LRRC4B: variants seen among roughly 807,000 people sequenced by gnomAD.
LRRC4B encodes leucine-rich repeat-containing protein 4B.
In LRRC4B, 1 loss-of-function variant was observed where a neutral mutation model predicts 7.3. That is an observed-to-expected ratio of 0.14 (90% CI 0.05 to 0.65). The LOEUF (loss-of-function observed/expected upper bound fraction) is 0.65. LRRC4B is among the 30% of genes least tolerant of loss of function. The probability of loss-of-function intolerance (pLI) is 0.84; values close to 1 mark genes in which losing one functional copy is unlikely to be tolerated. For missense variants in LRRC4B, 730 were observed against 1,041.6 expected, an observed-to-expected ratio of 0.70 and a Z score of 4.12; for synonymous variants, 500 against 499.2, an observed-to-expected ratio of 1.00 and a Z score of -0.02.
At position 50,517,537 on chromosome 19, in the gene LRRC4B, G is replaced by A. The variant is rs779378881; in HGVS notation, c.*34C>T. The A allele has an allele frequency of 2.9e-6, 4 of 1,397,758 alleles. No individual in the cohort carries two copies. Among genetic ancestry groups the A allele is most frequent in the South Asian group, 3.4e-5 (2 of 58,394 alleles). The allele number at this position is 1,397,758 out of a possible 1,614,324, so 86.6% of individuals were successfully genotyped here. A position where few individuals can be genotyped will look rare whatever the true frequency, so the allele number is the denominator to read the frequency against. On this transcript the variant is annotated 3_prime_UTR_variant, in exon 3 of 3. Coordinates refer to ENST00000652263, the MANE Select transcript of LRRC4B (RefSeq NM_001080457.2). The surrounding 1 kb of genome is among the most constrained non-coding windows in gnomAD (Gnocchi z 6.6). ...GCCCGGGCTGGGACCTGGGTGGGGG[G>A]CTCCACGCCCCTCGCCCGCCCGGCC...
rs1980375975 is a variant in LRRC4B, at chr19:50,518,102, A to G, written c.1611T>C (p.Ser537=). ...PGDAAGPASS[S]TTAPAPRSSR... ...AGGAGCGCGGGGCGGGTGCCGTGGTAGAAGACGAGGCAGGGCCGGCCGCGT... is the reference window on the plus strand; with the variant it reads ...AGGAGCGCGGGGCGGGTGCCGTGGTGGAAGACGAGGCAGGGCCGGCCGCGT... The change falls in exon 3 of 3, where the codon TCT becomes TCC. Residue 537 remains serine (S), a synonymous_variant. Coordinates refer to ENST00000652263, the MANE Select transcript of LRRC4B (RefSeq NM_001080457.2). 1.3e-6 allele frequency: 2 copies of G among 1,596,694 alleles called. No homozygotes were observed. The highest frequency in any genetic ancestry group is 2.7e-5 in the African/African-American group (2 of 73,820).
At position 50,554,087 on chromosome 19, in the gene LRRC4B, G is replaced by A. The variant is rs948334746; in HGVS notation, c.-35-5214C>T. Among the ~76,000 whole-genome samples, 3 of 147,422 alleles carry A rather than the reference G, an allele frequency of 2.0e-5. No homozygotes were observed. The South Asian group carries it at 6.4e-4, about 31-fold the overall frequency. ...CAGCTCATGGCAACCTCTACCTCCT[G>A]GGTTCAAGCAATTCTCCTGCCCCAG... On this transcript the variant is annotated intron_variant, in intron 1 of 2. Transcript: ENST00000652263.
At position 50,519,073 on chromosome 19, in the gene LRRC4B, G is replaced by A. The variant is rs1288604837; in HGVS notation, c.640C>T (p.Leu214=). The A allele has an allele frequency of 6.2e-7, 1 of 1,609,232 alleles. No homozygotes were observed. The highest frequency in any genetic ancestry group is 8.5e-7 in the Non-Finnish European group (1 of 1,179,914). The part of the protein sequence containing the change: ...EGLVNLRYLN[L]GMCNLKDIPN... Reference sequence around the variant, plus strand: ...ATGTCCTTGAGGTTGCACATGCCCAGGTTGAGGTAGCGCAGGTTGACCAGC... The same window carrying A: ...ATGTCCTTGAGGTTGCACATGCCCAAGTTGAGGTAGCGCAGGTTGACCAGC... The change falls in exon 3 of 3, where the codon CTG becomes TTG. Residue 214 remains leucine (L), a synonymous_variant. Transcript: ENST00000652263. This position sits in a 1 kb window ranked among gnomAD's most constrained non-coding sequence, Gnocchi z 8.1.
At chr19:50,520,759 A>G (rs1191392045) in intron 2 of LRRC4B, among the ~76,000 whole-genome samples, 2 of 152,170 alleles carry the variant, frequency 1.3e-5, no homozygotes, top group African/African-American at 4.8e-5. Flanking sequence ...CAACATTGGG[A>G]GACCCTGTCT....
intron 1 of LRRC4B, among the ~76,000 whole-genome samples, chr19:50,549,780 G>A (rs981600065): frequency 2.0e-5 from 3 of 152,178 alleles, no homozygotes; most frequent in Non-Finnish European, 2.9e-5. Flanking sequence ...CCTTTGCCCC[G>A]AGACTGTGGG....
At chr19:50,560,418 G>A (rs896876645) in intron 1 of LRRC4B, among the ~76,000 whole-genome samples, 2 of 152,186 alleles carry the variant, frequency 1.3e-5, no homozygotes, top group African/African-American at 4.8e-5. Context: ...GGCTTGCAAA[G>A]GGAGCTTCAC....
At chr19:50,543,335 G>GGTGTGTGTGTGTGT (rs143123202) in intron 2 of LRRC4B, among the ~76,000 whole-genome samples, 3,112 of 145,234 alleles carry the variant, frequency 0.021, 46 homozygotes, top group East Asian at 0.048. Context: ...GCCAGGCCCT[G>GGTGTGTGTGTGTGT]GTGTGTGTGT....
At chr19:50,541,995 G>A (rs558203991) in intron 2 of LRRC4B, among the ~76,000 whole-genome samples, 1 of 152,262 alleles carries the variant, frequency 6.6e-6, no homozygotes, top group African/African-American at 2.4e-5. Context: ...AACACAGGCC[G>A]AGCGAACACA....
At chr19:50,540,289 C>T (rs1308127282) in intron 2 of LRRC4B, among the ~76,000 whole-genome samples, 2 of 152,118 alleles carry the variant, frequency 1.3e-5, no homozygotes, top group Admixed American at 6.6e-5. Context: ...GAGCAGCAGG[C>T]GAGCGAGCAT....
At position 50,555,569 on chromosome 19, in the gene LRRC4B, G is replaced by T. The variant is rs1339036008; in HGVS notation, c.-35-6696C>A. 6.5e-6 allele frequency: 1 copy of T among 152,736 alleles called. No individual in the cohort carries two copies. Among genetic ancestry groups the T allele is most frequent in the Non-Finnish European group, 1.5e-5 (1 of 68,438 alleles). The allele number at this position is 152,736 out of a possible 1,614,324, so 9.5% of individuals were successfully genotyped here. ...AGCTGAGATCCAGGCGAAGGCAGAGGCTGGGAGGGCCCGGGCACTCGAGGC... is the reference window on the plus strand; with the variant it reads ...AGCTGAGATCCAGGCGAAGGCAGAGTCTGGGAGGGCCCGGGCACTCGAGGC... On this transcript the variant is annotated intron_variant, in intron 1 of 2. Transcript: ENST00000652263. The surrounding 1 kb of genome is among the most constrained non-coding windows in gnomAD (Gnocchi z 5.2).
At chr19:50,540,909 C>T (rs370036886) in intron 2 of LRRC4B, among the ~76,000 whole-genome samples, 5 of 151,654 alleles carry the variant, frequency 3.3e-5, no homozygotes, top group Non-Finnish European at 7.4e-5. Flanking sequence ...ACCGGCCGGG[C>T]GTGGTGGCTC....
chr19:50,551,410 T>C (rs1170669795), intron 1 of LRRC4B, among the ~76,000 whole-genome samples: 1 of 150,168 alleles, frequency 6.7e-6, no homozygotes, highest in African/African-American at 2.5e-5. Context: ...ACTGCAGCAG[T>C]TCTCTGCTCC....
intron 2 of LRRC4B, among the ~76,000 whole-genome samples, chr19:50,544,405 G>C (rs1449978307): frequency 6.6e-6 from 1 of 151,886 alleles, no homozygotes; most frequent in Non-Finnish European, 1.5e-5. Flanking sequence ...TACTTGGGAG[G>C]CTGAGGCAGG....
At chr19:50,552,559 TCCATCCGTCCAC>T (rs1332468753) in intron 1 of LRRC4B, among the ~76,000 whole-genome samples, 1 of 151,566 alleles carries the variant, frequency 6.6e-6, no homozygotes, top group African/African-American at 2.4e-5. Context: ...CATCCGTCCA[TCCATCCGTCCAC>T]CCATCCGTCC....
At position 50,518,101 on chromosome 19, in the gene LRRC4B, T is replaced by C; in HGVS notation, c.1612A>G (p.Thr538Ala). 3 of 1,597,058 alleles carry C rather than the reference T, an allele frequency of 1.9e-6. No homozygotes were observed. Among genetic ancestry groups the C allele is most frequent in the Non-Finnish European group, 2.6e-6 (3 of 1,174,744 alleles). Residue 538 changes from threonine (T) to alanine (A), a missense_variant, in exon 3 of 3, where the codon ACC (threonine) becomes GCC (alanine). Thr to Ala is a moderately conservative substitution (Grantham distance 58). Coordinates refer to ENST00000652263, the MANE Select transcript of LRRC4B (RefSeq NM_001080457.2). Reference protein sequence around the residue: ...GDAAGPASSSTTAPAPRSSRP... With the variant: ...GDAAGPASSSATAPAPRSSRP... ...GAGGAGCGCGGGGCGGGTGCCGTGG[T>C]AGAAGACGAGGCAGGGCCGGCCGCG... is the stretch of plus-strand genomic sequence containing the variant.
Position 50,517,882 on chromosome 19 carries a change from G to C in LRRC4B, c.1831C>G (p.Pro611Ala). ...TTGATGATCTCCACGGTGCGCGTGG[G>C]CCCGTGGTGCTTGTGGAGCTGGTGC... ...KQHQLHKHHG[P>A]TRTVEIINVE... The change falls in exon 3 of 3, where the codon CCC becomes GCC. Residue 611 changes from proline to alanine, a missense_variant. Pro to Ala is a conservative substitution (Grantham distance 27, BLOSUM62 -1). This residue lies in a region of LRRC4B where 160 missense variants were observed against 163.9 expected (regional missense o/e 0.98). Coordinates refer to ENST00000652263, the MANE Select transcript of LRRC4B (RefSeq NM_001080457.2). The surrounding 1 kb of genome is among the most constrained non-coding windows in gnomAD (Gnocchi z 6.6). 6.3e-7 allele frequency: 1 copy of C among 1,595,418 alleles called. No individual in the cohort carries two copies. The highest frequency in any genetic ancestry group is 8.5e-7 in the Non-Finnish European group (1 of 1,173,950).
chr19:50,523,952 C>T (rs1475399185), intron 2 of LRRC4B, among the ~76,000 whole-genome samples: 1 of 148,736 alleles, frequency 6.7e-6, no homozygotes, highest in African/African-American at 2.5e-5. Flanking sequence ...GAGTGAGACT[C>T]TGTCTAAAAA....
At chr19:50,536,529 T>C (rs560467188) in intron 2 of LRRC4B, among the ~76,000 whole-genome samples, 17 of 152,168 alleles carry the variant, frequency 1.1e-4, no homozygotes, top group Non-Finnish European at 1.2e-4. Context: ...GGGTGGTGCC[T>C]GGCACACACT....
Position 50,563,758 on chromosome 19 carries a change from G to A in LRRC4B, c.-36+4186C>T, listed in dbSNP as rs1416431376. 6.6e-5 allele frequency among the ~76,000 whole-genome samples: 10 copies of A among 152,180 alleles called. No homozygotes were observed. The highest frequency in any genetic ancestry group is 2.2e-4 in the African/African-American group (9 of 41,434). On this transcript the variant is annotated intron_variant, in intron 1 of 2. Transcript: ENST00000652263. This position sits in a 1 kb window ranked among gnomAD's most constrained non-coding sequence, Gnocchi z 4.9. The stretch of plus-strand genomic sequence containing the variant: ...CTGCAACATGGTGCCTTCACGCAAC[G>A]CTGACTTTCCAACACTGTGAGGGGC...
Sources: allele counts gnomAD v4.1 joint callset (sites outside exome capture counted in the v4.1 genomes callset), GRCh38; gene constraint gnomAD v4.1.1; regional missense constraint gnomAD v4.1.1; non-coding constraint Gnocchi (gnomAD v3.1); transcripts MANE v1.5; gene names NCBI Gene and HGNC (gene_info 2026-07-23, HGNC 2026-07-21).